KAZN: variants seen among roughly 807,000 people sequenced by gnomAD.
The protein encoded by KAZN is kazrin, periplakin interacting protein, also known as kazrin.
KAZN carries 40 observed loss-of-function variants against 87.4 expected under a neutral mutation model. That is an observed-to-expected ratio of 0.46 (90% CI 0.36 to 0.60). The LOEUF (loss-of-function observed/expected upper bound fraction) is 0.60. Among genes scored for constraint, KAZN ranks in the 20% least tolerant of loss-of-function variants. The pLI, the probability that KAZN is intolerant of heterozygous loss-of-function variation, is 0.00. For missense variants in KAZN, 898 were observed against 1,073.9 expected, an observed-to-expected ratio of 0.84 and a Z score of 2.29; for synonymous variants, 466 against 458.3, an observed-to-expected ratio of 1.02 and a Z score of -0.22.
intron 2 of KAZN, among the ~76,000 whole-genome samples, chr1:14,185,885 A>G (rs1323435599): frequency 1.3e-5 from 2 of 152,344 alleles, no homozygotes; most frequent in Non-Finnish European, 2.9e-5. Context: ...TGTAAAATCC[A>G]TAAAGCAAAA....
intron 2 of KAZN, among the ~76,000 whole-genome samples, chr1:14,365,333 CA>C (rs1659886529): frequency 6.8e-6 from 1 of 147,976 alleles, no homozygotes; most frequent in Non-Finnish European, 1.5e-5. Flanking sequence ...AGGTGTGAGC[CA>C]CCGCGCCCCG....
At chr1:15,030,152 G>T (rs1157527027) in intron 2 of KAZN, among the ~76,000 whole-genome samples, 1 of 152,204 alleles carries the variant, frequency 6.6e-6, no homozygotes, top group Non-Finnish European at 1.5e-5. Context: ...GGGCGGCCAG[G>T]ATCCCATGCG....
intron 2 of KAZN, among the ~76,000 whole-genome samples, chr1:14,533,287 G>A (rs1672313051): frequency 6.6e-6 from 1 of 152,258 alleles, no homozygotes; most frequent in Non-Finnish European, 1.5e-5. Flanking sequence ...AGTAGTGGGG[G>A]GAAAATGAGA....
chr1:14,153,178 C>T (rs764678761), intron 1 of KAZN, among the ~76,000 whole-genome samples: 3 of 152,046 alleles, frequency 2.0e-5, no homozygotes, highest in Non-Finnish European at 4.4e-5. Context: ...TTTCCTTTGC[C>T]GTGCAGAAGC....
intron 1 of KAZN, among the ~76,000 whole-genome samples, chr1:14,019,975 C>G (rs897167884): frequency 6.6e-6 from 1 of 151,994 alleles, no homozygotes; most frequent in East Asian, 1.9e-4. Flanking sequence ...TACAACTCAT[C>G]ATAATGTCGA....
chr1:13,893,859 C>A, intron 1 of KAZN: 1 of 1,314,704 alleles, frequency 7.6e-7, no homozygotes, highest in Non-Finnish European at 1.0e-6. Context: ...GTCTGTCAGT[C>A]TACCTCATCT....
At chr1:14,244,251 A>C (rs1649284017) in intron 2 of KAZN, among the ~76,000 whole-genome samples, 1 of 152,154 alleles carries the variant, frequency 6.6e-6, no homozygotes, top group South Asian at 2.1e-4. Flanking sequence ...CCTTGAGTGC[A>C]AGGCTGCTCC....
intron 2 of KAZN, among the ~76,000 whole-genome samples, chr1:15,022,190 C>T (rs750685810): frequency 6.6e-5 from 10 of 152,010 alleles, no homozygotes; most frequent in Non-Finnish European, 1.3e-4. Context: ...GCCATGCACC[C>T]CCCTCCCTCC....
intron 2 of KAZN, among the ~76,000 whole-genome samples, chr1:14,203,069 T>C (rs1646671970): frequency 1.3e-5 from 2 of 151,898 alleles, no homozygotes; most frequent in Non-Finnish European, 2.9e-5. Flanking sequence ...GCTTTGCAAA[T>C]ATAAGGAATT....
intron 1 of KAZN, among the ~76,000 whole-genome samples, chr1:13,944,054 A>G (rs1415673026): frequency 6.6e-6 from 1 of 152,246 alleles, no homozygotes; most frequent in Admixed American, 6.5e-5. Context: ...ACCATTGTCC[A>G]CACAAAGACT....
intron 1 of KAZN, among the ~76,000 whole-genome samples, chr1:14,904,152 C>T (rs1024321051): frequency 3.3e-5 from 5 of 152,136 alleles, no homozygotes; most frequent in African/African-American, 1.2e-4. Context: ...AGTTGTATGG[C>T]CTGTTATGGA....
chr1:14,118,679 G>A (rs923486961), intron 1 of KAZN, among the ~76,000 whole-genome samples: 2 of 152,108 alleles, frequency 1.3e-5, no homozygotes, highest in Non-Finnish European at 2.9e-5. Flanking sequence ...GAATTCATCT[G>A]GTTGAATCAT....
At chr1:14,476,156 C>T (rs1331311974) in intron 2 of KAZN, among the ~76,000 whole-genome samples, 1 of 152,166 alleles carries the variant, frequency 6.6e-6, no homozygotes, top group Non-Finnish European at 1.5e-5. Flanking sequence ...GATTTCAGTG[C>T]TGGGACTCTC....
At chr1:14,320,024 T>A (rs977369778) in intron 2 of KAZN, among the ~76,000 whole-genome samples, 1 of 152,242 alleles carries the variant, frequency 6.6e-6, no homozygotes, top group Non-Finnish European at 1.5e-5. Context: ...ATCGGATGTT[T>A]ATTACTTATC....
intron 2 of KAZN, among the ~76,000 whole-genome samples, chr1:14,570,036 C>A (rs1674768376): frequency 6.6e-6 from 1 of 152,096 alleles, no homozygotes; most frequent in Non-Finnish European, 1.5e-5. Context: ...TTGCTTGAAC[C>A]CAGGAGGTAG....
intron 2 of KAZN, among the ~76,000 whole-genome samples, chr1:14,514,157 A>G (rs1454240041): frequency 7.2e-6 from 1 of 139,644 alleles, no homozygotes; most frequent in Non-Finnish European, 1.5e-5. Context: ...CGTCTCTACT[A>G]AAAAAAAATA....
At chr1:14,978,597 C>T (rs1261904257) in intron 2 of KAZN, among the ~76,000 whole-genome samples, 2 of 152,116 alleles carry the variant, frequency 1.3e-5, no homozygotes, top group Non-Finnish European at 2.9e-5. Flanking sequence ...TTCTTCTTCC[C>T]ACTCTTCTGG....
At chr1:14,727,511 C>CTTTTTTT (rs1643455466) in intron 1 of KAZN, among the ~76,000 whole-genome samples, 1 of 91,786 alleles carries the variant, frequency 1.1e-5, no homozygotes, top group Non-Finnish European at 2.0e-5. Flanking sequence ...AAGAGTTTTG[C>CTTTTTTT]TCTTGTTGTC....
intron 1 of KAZN, among the ~76,000 whole-genome samples, chr1:13,934,498 G>A (rs987836616): frequency 6.6e-6 from 1 of 152,128 alleles, no homozygotes; most frequent in African/African-American, 2.4e-5. Flanking sequence ...CAAAAGACAC[G>A]GCTAGAAAAT....
Sources: allele counts gnomAD v4.1 joint callset (sites outside exome capture counted in the v4.1 genomes callset), GRCh38; gene constraint gnomAD v4.1.1; transcripts MANE v1.5; gene names NCBI Gene and HGNC (gene_info 2026-07-23, HGNC 2026-07-21).